The following KIAA1217 variants were observed in gnomAD, a reference collection of about 807,000 sequenced individuals.
The protein encoded by KIAA1217 is KIAA1217, also known as sickle tail protein homolog.
In KIAA1217, 88 loss-of-function variants were observed where a neutral mutation model predicts 163.9. The ratio of observed to expected loss-of-function variants is 0.54; its 90% CI spans 0.45 to 0.64. The LOEUF (loss-of-function observed/expected upper bound fraction) is 0.64, where lower values mean the gene tolerates loss of function less well. Ranked by LOEUF, KIAA1217 falls within the 30% of genes least tolerant of loss-of-function variation. The pLI is 0.00. For synonymous variants in KIAA1217, 903 were observed against 923.1 expected (o/e 0.98, Z 0.39); for missense variants, 2,372 against 2,475.0 (o/e 0.96, Z 0.88).
At chr10:23,796,340 C>CTTGCTTATTTAT (rs140864660) in intron 1 of KIAA1217, among the ~76,000 whole-genome samples, 40 of 148,482 alleles carry the variant, frequency 2.7e-4, no homozygotes, top group African/African-American at 9.4e-4. Context: ...CGAGAGACTG[C>CTTGCTTATTTAT]TTATTTATTT....
chr10:23,804,202 C>T (rs1476684429), intron 1 of KIAA1217, among the ~76,000 whole-genome samples: 2 of 151,906 alleles, frequency 1.3e-5, no homozygotes, highest in Non-Finnish European at 2.9e-5. Context: ...ATTAGGAGGA[C>T]AGGTAGAGTG....
intron 1 of KIAA1217, among the ~76,000 whole-genome samples, chr10:23,768,219 G>A (rs1283292688): frequency 1.3e-5 from 2 of 152,212 alleles, no homozygotes; most frequent in African/African-American, 2.4e-5. Context: ...GAACAGTGGG[G>A]CAGGAGCATG....
At chr10:24,164,257 G>T (rs1325013401) in intron 2 of KIAA1217, among the ~76,000 whole-genome samples, 2 of 152,158 alleles carry the variant, frequency 1.3e-5, no homozygotes, top group Non-Finnish European at 2.9e-5. Flanking sequence ...CAGGACATTT[G>T]TACTTGCCCT....
chr10:24,316,378 C>CT (rs2043373995), intron 2 of KIAA1217, among the ~76,000 whole-genome samples: 1 of 152,180 alleles, frequency 6.6e-6, no homozygotes, highest in Non-Finnish European at 1.5e-5. Context: ...AATTTTAAAA[C>CT]TGAGAAAGGC....
intron 1 of KIAA1217, among the ~76,000 whole-genome samples, chr10:23,724,275 A>AT (rs11300277): frequency 5.6e-4 from 85 of 151,938 alleles, no homozygotes; most frequent in East Asian, 4.6e-3. Context: ...CTTCTTATGT[A>AT]TTTTTTTTAA....
At chr10:23,807,061 C>A (rs1365442986) in intron 1 of KIAA1217, among the ~76,000 whole-genome samples, 1 of 152,198 alleles carries the variant, frequency 6.6e-6, no homozygotes, top group African/African-American at 2.4e-5. Context: ...GCAAATGTTG[C>A]CTTAGAGCAG....
chr10:24,472,642 T>C (rs1439083717), intron 5 of KIAA1217, among the ~76,000 whole-genome samples: 2 of 152,150 alleles, frequency 1.3e-5, no homozygotes, highest in Non-Finnish European at 2.9e-5. Flanking sequence ...TCCCACAAAA[T>C]TGCACTCTCC....
intron 1 of KIAA1217, among the ~76,000 whole-genome samples, chr10:23,946,354 AG>A (rs1844044558): frequency 6.6e-6 from 1 of 151,800 alleles, no homozygotes; most frequent in African/African-American, 2.4e-5. Flanking sequence ...GAAAAAAAAA[AG>A]ATTGTGTAGA....
At chr10:24,203,272 A>G (rs2067363419) in intron 2 of KIAA1217, among the ~76,000 whole-genome samples, 1 of 152,082 alleles carries the variant, frequency 6.6e-6, no homozygotes, top group Non-Finnish European at 1.5e-5. Context: ...AATAATATTG[A>G]TGATTGAGGG....
At chr10:24,134,797 G>A (rs1054705465) in intron 2 of KIAA1217, among the ~76,000 whole-genome samples, 6 of 152,048 alleles carry the variant, frequency 3.9e-5, no homozygotes, top group Non-Finnish European at 5.9e-5. Flanking sequence ...AGCTGATCTC[G>A]AACTCCTAAC....
intron 1 of KIAA1217, among the ~76,000 whole-genome samples, chr10:23,790,107 A>G (rs1412522077): frequency 1.0e-5 from 1 of 97,010 alleles, no homozygotes; most frequent in Non-Finnish European, 2.0e-5. Flanking sequence ...ACATATACAC[A>G]TATGCATATA....
At chr10:23,857,545 T>C (rs1019986927) in intron 1 of KIAA1217, among the ~76,000 whole-genome samples, 5 of 152,210 alleles carry the variant, frequency 3.3e-5, no homozygotes, top group Non-Finnish European at 7.3e-5. Context: ...CCTGTCTCTA[T>C]ATCACAATCA....
chr10:23,758,820 GGGATTACACGT>G (rs1297424254), intron 1 of KIAA1217, among the ~76,000 whole-genome samples: 2 of 150,852 alleles, frequency 1.3e-5, no homozygotes, highest in Non-Finnish European at 2.9e-5. Flanking sequence ...CCAAGTAGCT[GGGATTACACGT>G]GTGTGCTACC....
At chr10:24,485,527 C>T (rs2065278317) in intron 6 of KIAA1217, among the ~76,000 whole-genome samples, 1 of 152,206 alleles carries the variant, frequency 6.6e-6, no homozygotes, top group Admixed American at 6.5e-5. Flanking sequence ...GGCCATGACA[C>T]TTGAAGTTGC....
intron 3 of KIAA1217, among the ~76,000 whole-genome samples, chr10:24,402,527 AC>A (rs1216994697): frequency 0.01 from 1,315 of 126,236 alleles, 78 homozygotes; most frequent in African/African-American, 0.039. Context: ...AAAAAACAAA[AC>A]AAAAAAAAAA....
Position 23,832,688 on chromosome 10 carries a change from C to A in KIAA1217, c.-321+137454C>A, listed in dbSNP as rs114167154. 5.1e-3 allele frequency among the ~76,000 whole-genome samples: 775 copies of A among 152,162 alleles called. 5 individuals are homozygous for A. The highest frequency in any genetic ancestry group is 0.018 in the African/African-American group (752 of 41,532). The stretch of plus-strand genomic sequence containing the variant: ...GGAGCTGTATCCCAGGGACCAGGGG[C>A]AGAGATCAAATATATATTTCTCATT... On this transcript the variant is annotated intron_variant, in intron 1 of 18. Coordinates refer to the KIAA1217 transcript ENST00000376462.
chr10:24,255,271 C>T (rs1162515641), intron 2 of KIAA1217: 1 of 286,792 alleles, frequency 3.5e-6, no homozygotes, highest in Admixed American at 5.0e-5. Flanking sequence ...TTACCTAAAC[C>T]CCACCCAGGT....
At chr10:23,905,190 T>A (rs1842108469) in intron 1 of KIAA1217, among the ~76,000 whole-genome samples, 1 of 151,824 alleles carries the variant, frequency 6.6e-6, no homozygotes, top group South Asian at 2.1e-4. Flanking sequence ...GCTGCTTTTT[T>A]TTTTTTCTTT....
intron 1 of KIAA1217, among the ~76,000 whole-genome samples, chr10:23,742,626 C>T (rs889065218): frequency 2.6e-5 from 4 of 152,152 alleles, no homozygotes; most frequent in Non-Finnish European, 5.9e-5. Flanking sequence ...CCTGTGTGAA[C>T]TCAGAGCAAG....
Sources: gnomAD v4.1 joint callset for allele counts (sites outside exome capture counted in the v4.1 genomes callset) on GRCh38, gnomAD v4.1.1 for gene constraint, MANE v1.5 for transcripts, NCBI Gene and HGNC (gene_info 2026-07-23, HGNC 2026-07-21) for gene names.